MALRD1: variants seen among roughly 807,000 people sequenced by gnomAD.
The protein encoded by MALRD1 is MAM and LDL-receptor class A domain-containing protein 1.
In MALRD1, 247 loss-of-function variants were observed where a neutral mutation model predicts 242.1. That is an observed-to-expected ratio of 1.02 (90% CI 0.92 to 1.13). MALRD1 has a LOEUF of 1.13. Among genes scored for constraint, MALRD1 ranks in the 50% most tolerant of loss-of-function variants. MALRD1 has a pLI of 0.00. For synonymous variants in MALRD1, 995 were observed against 866.6 expected (o/e 1.15, Z -2.60); for missense variants, 2,989 against 2,533.1 (o/e 1.18, Z -3.86).
At chr10:19,292,544 C>G (rs1217399673) in intron 21 of MALRD1, among the ~76,000 whole-genome samples, 1 of 152,120 alleles carries the variant, frequency 6.6e-6, no homozygotes, top group Non-Finnish European at 1.5e-5. Context: ...CACCTGCTTT[C>G]CTATCTGTAT....
chr10:19,129,272 T>C (rs1336883625), intron 8 of MALRD1, among the ~76,000 whole-genome samples: 1 of 152,116 alleles, frequency 6.6e-6, no homozygotes, highest in East Asian at 1.9e-4. Flanking sequence ...TTAGGTTTGA[T>C]AATTTGCTAG....
intron 38 of MALRD1, chr10:19,724,860 T>TTCTCTG (rs1834945815): frequency 6.6e-6 from 1 of 152,016 alleles, no homozygotes; most frequent in Non-Finnish European, 1.5e-5. Flanking sequence ...CTAGAGCAAA[T>TTCTCTG]AAACAAATTC....
intron 28 of MALRD1, among the ~76,000 whole-genome samples, chr10:19,412,144 C>T (rs1322946444): frequency 6.6e-6 from 1 of 152,022 alleles, no homozygotes; most frequent in African/African-American, 2.4e-5. Flanking sequence ...ACTAAAAATA[C>T]AAAAATTAGC....
At chr10:19,692,154 A>C in intron 36 of MALRD1, 128 bp from the exon 37 acceptor site, 1 of 721,890 alleles carries the variant, frequency 1.4e-6, no homozygotes, top group Non-Finnish European at 2.1e-6. Flanking sequence ...TTGGTTTTTT[A>C]TCAAAGTTAT....
chr10:19,495,614 A>T (rs1178693124), intron 30 of MALRD1, among the ~76,000 whole-genome samples: 1 of 152,172 alleles, frequency 6.6e-6, no homozygotes, highest in African/African-American at 2.4e-5. Context: ...ACCAGCCACT[A>T]CAAAAACACA....
intron 19 of MALRD1, among the ~76,000 whole-genome samples, chr10:19,266,464 C>G (rs1363608238): frequency 6.6e-6 from 1 of 151,842 alleles, no homozygotes; most frequent in African/African-American, 2.4e-5. Flanking sequence ...CTGATAAAAA[C>G]TTAATTTTAA....
At chr10:19,211,268 G>T (rs990826507) in intron 18 of MALRD1, among the ~76,000 whole-genome samples, 1 of 151,904 alleles carries the variant, frequency 6.6e-6, no homozygotes, top group Admixed American at 6.6e-5. Flanking sequence ...ACCCATGTTG[G>T]GTTACAAATG....
chr10:19,203,286 T>C (rs1402918916), intron 14 of MALRD1, among the ~76,000 whole-genome samples: 2 of 152,178 alleles, frequency 1.3e-5, no homozygotes, highest in African/African-American at 4.8e-5. Context: ...GTATTAAATA[T>C]AGTGTATCTG....
chr10:19,697,509 C>T (rs565989265), intron 38 of MALRD1, among the ~76,000 whole-genome samples: 8 of 151,928 alleles, frequency 5.3e-5, no homozygotes, highest in Non-Finnish European at 8.8e-5. Flanking sequence ...ACCAAACAAT[C>T]GGGCATCATA....
rs552650919 is a variant in MALRD1 at position 19,553,466 on chromosome 10, A to G, written c.5479-14036A>G. Among the ~76,000 whole-genome samples the G allele has an allele frequency of 4.5e-4, 69 of 152,168 alleles. 1 individual carries two copies. Among genetic ancestry groups the G allele is most frequent in the African/African-American group, 1.6e-3 (68 of 41,528 alleles). ...ACATCATTAAAAAAATCCATTTATC[A>G]TTTCAACAGCTTGTACTGTGTTTTA... is the stretch of plus-strand genomic sequence containing the variant. On this transcript the variant is annotated intron_variant, in intron 32 of 39. Transcript: ENST00000454679.
Position 19,331,516 on chromosome 10 carries a change from A to G in MALRD1, c.3835A>G (p.Lys1279Glu), listed in dbSNP as rs1588922482. 3.9e-6 allele frequency: 6 copies of G among 1,550,366 alleles called. No individual in the cohort carries two copies. Among genetic ancestry groups the G allele is most frequent in the African/African-American group, 2.7e-5 (2 of 73,162 alleles). Residue 1279 changes from lysine (K) to glutamate (E), a missense_variant, in exon 24 of 40, where the codon AAA (lysine) becomes GAA (glutamate). Lys to Glu is a moderately conservative substitution (Grantham distance 56, BLOSUM62 1). Transcript: ENST00000454679. ...FMCANKHCIA[K>E]DKLCDFVNDC... ...GTGTGCTAATAAGCACTGCATTGCC[A>G]AAGACAAGCTGTGTGATTTTGTGAA...
chr10:19,162,888 T>C (rs189872028), intron 12 of MALRD1, among the ~76,000 whole-genome samples: 23 of 151,962 alleles, frequency 1.5e-4, no homozygotes, highest in Admixed American at 5.9e-4. Flanking sequence ...TCCCAGTACT[T>C]TGGGCAGCTG....
chr10:19,585,206 G>C (rs917733212), intron 33 of MALRD1, among the ~76,000 whole-genome samples: 45 of 152,008 alleles, frequency 3.0e-4, no homozygotes, highest in African/African-American at 1.0e-3. Context: ...CTTTTAATTG[G>C]AGCATTTAGT....
chr10:19,170,536 G>T (rs1191716802), intron 13 of MALRD1, among the ~76,000 whole-genome samples: 1 of 152,058 alleles, frequency 6.6e-6, no homozygotes, highest in Non-Finnish European at 1.5e-5. Flanking sequence ...ATTATTTGAC[G>T]ATTCAGTGAA....
chr10:19,391,541 T>C (rs1258698952), intron 28 of MALRD1, among the ~76,000 whole-genome samples: 1 of 152,230 alleles, frequency 6.6e-6, no homozygotes, highest in African/African-American at 2.4e-5. Context: ...TTTTAAGATG[T>C]TCCAGTATAC....
chr10:19,052,803 C>T (rs952084349), intron 1 of MALRD1, among the ~76,000 whole-genome samples: 13 of 152,150 alleles, frequency 8.5e-5, no homozygotes, highest in African/African-American at 2.9e-4. Flanking sequence ...TAGGTTGTAA[C>T]CCCTCTACTC....
intron 36 of MALRD1, among the ~76,000 whole-genome samples, chr10:19,654,597 C>T (rs932656427): frequency 6.6e-6 from 1 of 152,162 alleles, no homozygotes. Flanking sequence ...TCTTTGCTTT[C>T]GCTTACTCTC....
In MALRD1 at chr10:19,250,759, TG is replaced by T. The variant is rs1221958694; in HGVS notation, c.2992-6924del. On this transcript the variant is annotated intron_variant, in intron 18 of 39. Coordinates refer to ENST00000454679, the MANE Select transcript of MALRD1 (RefSeq NM_001142308.3). ...TAGAGATGATGTGTGTGATGATATG[TG>T]TAAGACATTTGTTTAGATTCCAAAG... is the stretch of plus-strand genomic sequence containing the variant. Among the ~76,000 whole-genome samples the T allele has an allele frequency of 3.3e-5, 5 of 152,024 alleles. No homozygotes were observed. In the East Asian group the frequency reaches 9.7e-4, roughly 30 times the overall value.
intron 29 of MALRD1, among the ~76,000 whole-genome samples, chr10:19,461,504 TCA>T (rs1835940908): frequency 6.6e-6 from 1 of 152,084 alleles, no homozygotes; most frequent in Non-Finnish European, 1.5e-5. Flanking sequence ...AGGAATCACA[TCA>T]ATCAAGAATA....
Sources: allele counts gnomAD v4.1 joint callset (sites outside exome capture counted in the v4.1 genomes callset), GRCh38; gene constraint gnomAD v4.1.1; transcripts MANE v1.5; gene names NCBI Gene and HGNC (gene_info 2026-07-23, HGNC 2026-07-21).